The following MPST variants were observed in gnomAD, a reference collection of about 807,000 sequenced individuals.
MPST encodes the protein mercaptopyruvate sulfurtransferase, also known as 3-mercaptopyruvate sulfurtransferase.
MPST carries 27 observed loss-of-function variants against 28.5 expected under a neutral mutation model. That is an observed-to-expected ratio of 0.95 (90% CI 0.70 to 1.31). The LOEUF is 1.31. Among genes scored for constraint, MPST ranks in the 50% most tolerant of loss-of-function variants. The pLI, the probability that MPST is intolerant of heterozygous loss-of-function variation, is 0.00. For missense variants in MPST, 492 were observed against 471.1 expected, an observed-to-expected ratio of 1.04 and a Z score of -0.41; for synonymous variants, 204 against 209.3, an observed-to-expected ratio of 0.97 and a Z score of 0.22.
intron 2 of MPST, chr22:37,027,304 A>C (rs1923597577): frequency 6.6e-6 from 1 of 152,248 alleles, no homozygotes; most frequent in Non-Finnish European, 1.5e-5. Context: ...TCCTGCATGA[A>C]AATGGGAATG....
At chr22:37,023,852 C>A (rs755266766) in intron 1 of MPST, 3 of 1,403,752 alleles carry the variant, frequency 2.1e-6, no homozygotes, top group East Asian at 3.6e-5. Context: ...GGAGACTTTG[C>A]CCCTGTTTGT....
chr22:37,029,516 G>A lies in MPST; in HGVS notation c.*2G>A. ...GAGGGCCGGGGGAAGACCCACTGAAGCTGGGCAGGACACAGGCGAGCTCAG... is the reference window on the plus strand; with the variant it reads ...GAGGGCCGGGGGAAGACCCACTGAAACTGGGCAGGACACAGGCGAGCTCAG... On this transcript the variant is annotated 3_prime_UTR_variant, in exon 3 of 3. Transcript: ENST00000429360. 1 of 1,599,468 alleles carries A rather than the reference G, an allele frequency of 6.3e-7. No individual in the cohort carries two copies. The highest frequency in any genetic ancestry group is 1.3e-5 in the African/African-American group (1 of 74,728).
intron 1 of MPST, among the ~76,000 whole-genome samples, chr22:37,021,246 A>T (rs1452018423): frequency 6.6e-6 from 1 of 151,988 alleles, no homozygotes. Flanking sequence ...TCTGAATCAC[A>T]CAGGCACCTG....
chr22:37,021,661 T>G (rs1923083987), intron 1 of MPST, among the ~76,000 whole-genome samples: 1 of 152,004 alleles, frequency 6.6e-6, no homozygotes, highest in Non-Finnish European at 1.5e-5. Context: ...TTAGTAGAGA[T>G]GAGGTTTCAC....
rs549877335 is a variant in MPST, at chr22:37,019,830, G to C, written c.-7G>C. On this transcript the variant is annotated 5_prime_UTR_variant, in exon 1 of 3. Transcript: ENST00000429360. The stretch of plus-strand genomic sequence containing the variant: ...GCGCGGGGAGGGGGCGCCGCGCCGC[G>C]GGGGCCATGGCGGAGCCAGGAAGCC... 347 of 1,205,110 alleles carry C rather than the reference G, an allele frequency of 2.9e-4. 2 individuals are homozygous for C. In the African/African-American group the frequency reaches 5.1e-3, roughly 18 times the overall value. 74.7% of individuals were successfully genotyped at this position (1,205,110 alleles called of 1,614,324 possible). A position where few individuals can be genotyped will look rare whatever the true frequency, so the allele number is the denominator to read the frequency against.
At chr22:37,022,667 A>T (rs1243742143) in intron 1 of MPST, among the ~76,000 whole-genome samples, 1 of 152,190 alleles carries the variant, frequency 6.6e-6, no homozygotes, top group East Asian at 1.9e-4. Context: ...GGCCTCATTC[A>T]TAAAGCAGGC....
Position 37,024,185 on chromosome 22 carries a change from C to T in MPST, c.37-7C>T. 7.3e-7 allele frequency: 1 copy of T among 1,373,796 alleles called. No homozygotes were observed. Among genetic ancestry groups the T allele is most frequent in the Non-Finnish European group, 9.3e-7 (1 of 1,071,268 alleles). 85.1% of individuals were successfully genotyped at this position (1,373,796 alleles called of 1,614,324 possible). ...GCTTCCCTTCTGACATCCTCCCTGT[C>T]GCCCAGGCCCGCAGCCCGAGTGTCG... On this transcript the variant is annotated splice_polypyrimidine_tract_variant and splice_region_variant and intron_variant, in intron 1 of 2. Coordinates refer to ENST00000429360, the MANE Select transcript of MPST (RefSeq NM_021126.8).
At position 37,024,623 on chromosome 22, in the gene MPST, G is replaced by C. The variant is rs765142134; in HGVS notation, c.468G>C (p.Leu156=). The change falls in exon 2 of 3, where the codon CTG becomes CTC. Residue 156 remains leucine, a synonymous_variant. Transcript: ENST00000429360. ...TTGATGGCGGCCTCCGCCACTGGCTGCGCCAGAACCTCCCGCTCAGCTCCG... is the reference window on the plus strand; with the variant it reads ...TTGATGGCGGCCTCCGCCACTGGCTCCGCCAGAACCTCCCGCTCAGCTCCG... ...SLLDGGLRHW[L]RQNLPLSSGK... 6.3e-7 allele frequency: 1 copy of C among 1,594,724 alleles called. No homozygotes were observed. The highest frequency in any genetic ancestry group is 8.5e-7 in the Non-Finnish European group (1 of 1,176,498).
chr22:37,024,116 C>T (rs1345492990), intron 1 of MPST, 76 bp from the exon 2 acceptor site: 3 of 1,329,264 alleles, frequency 2.3e-6, no homozygotes, highest in Non-Finnish European at 1.9e-6. Flanking sequence ...CGGCCCTCGC[C>T]CATGCTCCAG....
chr22:37,024,791 C>G lies in MPST; in HGVS notation c.636C>G (p.Thr212=). 1.2e-6 allele frequency: 2 copies of G among 1,602,608 alleles called. No individual in the cohort carries two copies. Among genetic ancestry groups the G allele is most frequent in the East Asian group, 2.2e-5 (1 of 44,822 alleles). Residue 212 remains threonine (T), a synonymous_variant, in exon 2 of 3, where the codon ACC becomes ACG. Transcript: ENST00000429360. The stretch of plus-strand genomic sequence containing the variant: ...GAGCCACTGGCAGGTTCCGCGGCAC[C>G]GAGCCCGAGCCCCGAGACGGTAACG... The part of the protein sequence containing the change: ...DSRATGRFRG[T]EPEPRDGIEP...
rs1923784751 is a variant in MPST at position 37,029,815 on chromosome 22, A to G, written c.*301A>G. The G allele has an allele frequency of 2.3e-6, 1 of 435,860 alleles. No homozygotes were observed. The highest frequency in any genetic ancestry group is 4.2e-6 in the Non-Finnish European group (1 of 240,140). 27.0% of individuals were successfully genotyped at this position (435,860 alleles called of 1,614,324 possible). On this transcript the variant is annotated 3_prime_UTR_variant, in exon 3 of 3. Coordinates refer to ENST00000429360, the MANE Select transcript of MPST (RefSeq NM_021126.8). ...AGGAAATAAAATAACCAAGTGCTAAATCTTGTAGCTCTGGGGCTGCCTCGG... is the reference window on the plus strand; with the variant it reads ...AGGAAATAAAATAACCAAGTGCTAAGTCTTGTAGCTCTGGGGCTGCCTCGG...
chr22:37,024,772 C>T lies in MPST; in HGVS notation c.617C>T (p.Thr206Ile). The change falls in exon 2 of 3, where the codon ACT (threonine) becomes ATT (isoleucine). Residue 206 changes from threonine to isoleucine, a missense_variant. Physicochemically the swap from Thr to Ile is moderately conservative, Grantham distance 89. Transcript: ENST00000429360. ...TTCCAGGTGGTGGACTCCCGAGCCACTGGCAGGTTCCGCGGCACCGAGCCC... is the reference window on the plus strand; with the variant it reads ...TTCCAGGTGGTGGACTCCCGAGCCATTGGCAGGTTCCGCGGCACCGAGCCC... ...RRFQVVDSRA[T>I]GRFRGTEPEP... The T allele has an allele frequency of 3.1e-6, 5 of 1,602,830 alleles. No individual in the cohort carries two copies. Among genetic ancestry groups the T allele is most frequent in the Non-Finnish European group, 4.2e-6 (5 of 1,179,708 alleles).
intron 1 of MPST, among the ~76,000 whole-genome samples, chr22:37,021,081 G>A (rs1333464354): frequency 1.3e-5 from 2 of 152,176 alleles, no homozygotes; most frequent in Non-Finnish European, 2.9e-5. Context: ...TCCAAGAGGA[G>A]CTCCCAAGCT....
At position 37,024,484 on chromosome 22, in the gene MPST, G is replaced by C. The variant is rs776001621; in HGVS notation, c.329G>C (p.Gly110Ala). 1.2e-5 allele frequency: 19 copies of C among 1,558,600 alleles called. No individual in the cohort carries two copies. In the South Asian group the frequency reaches 2.2e-4, roughly 18 times the overall value. The change falls in exon 2 of 3, where the codon GGC becomes GCC. Residue 110 changes from glycine to alanine, a missense_variant. By Grantham distance (60) the Gly-to-Ala change is moderately conservative. Transcript: ENST00000429360. ...EHFAEYAGRL[G>A]VGAATHVVIY... ...TTCGCGGAGTACGCAGGCCGCCTGGGCGTGGGCGCGGCCACCCACGTCGTG... is the reference window on the plus strand; with the variant it reads ...TTCGCGGAGTACGCAGGCCGCCTGGCCGTGGGCGCGGCCACCCACGTCGTG...
chr22:37,026,086 T>A (rs1226886125), intron 2 of MPST: 1 of 152,154 alleles, frequency 6.6e-6, no homozygotes, highest in Non-Finnish European at 1.5e-5. Context: ...CAGGTGTCAG[T>A]TTCATGTGGT....
Position 37,029,615 on chromosome 22 carries a change from C to T in MPST, c.*101C>T. 1 of 1,248,618 alleles carries T rather than the reference C, an allele frequency of 8.0e-7. No homozygotes were observed. The highest frequency in any genetic ancestry group is 1.1e-6 in the Non-Finnish European group (1 of 912,160). The allele number at this position is 1,248,618 out of a possible 1,614,324, so 77.3% of individuals were successfully genotyped here. ...TTCACCAAGAGAGTGTTTCTTCACT[C>T]AACTCAGGTGGCATTTGGGGTGACA... On this transcript the variant is annotated 3_prime_UTR_variant, in exon 3 of 3. Coordinates refer to ENST00000429360, the MANE Select transcript of MPST (RefSeq NM_021126.8).
intron 1 of MPST, chr22:37,023,725 G>C (rs914502944): frequency 9.0e-7 from 1 of 1,114,752 alleles, no homozygotes; most frequent in Non-Finnish European, 1.1e-6. Context: ...CAAGGACTCA[G>C]TAAATTCCAG....
Position 37,019,754 on chromosome 22 carries a change from C to A in MPST, c.-83C>A. On this transcript the variant is annotated 5_prime_UTR_variant, in exon 1 of 3. Transcript: ENST00000429360. ...GCGGCGGTGGGCTGTGCCGGAGTCT[C>A]CTCCCTTTGGTCCGCTGCAGGTTGG... 1 of 594,932 alleles carries A rather than the reference C, an allele frequency of 1.7e-6. No individual in the cohort carries two copies. The highest frequency in any genetic ancestry group is 8.5e-5 in the South Asian group (1 of 11,822). 36.9% of individuals were successfully genotyped at this position (594,932 alleles called of 1,614,324 possible).
At position 37,024,200 on chromosome 22, in the gene MPST, C is replaced by T; in HGVS notation, c.45C>T (p.Ser15=). 2 of 1,379,856 alleles carry T rather than the reference C, an allele frequency of 1.4e-6. No individual in the cohort carries two copies. Among genetic ancestry groups the T allele is most frequent in the South Asian group, 1.6e-5 (1 of 61,004 alleles). The allele number at this position is 1,379,856 out of a possible 1,614,324, so 85.5% of individuals were successfully genotyped here. The change falls in exon 2 of 3, where the codon AGC becomes AGT. Residue 15 remains serine, a synonymous_variant. Transcript: ENST00000429360. ...GSRESETRAR[S]PSVAAMASPQ... is the part of the protein sequence containing the mutation. ...TCCTCCCTGTCGCCCAGGCCCGCAG[C>T]CCGAGTGTCGCCGCCATGGCTTCGC...
Sources: allele counts gnomAD v4.1 joint callset (sites outside exome capture counted in the v4.1 genomes callset), GRCh38; gene constraint gnomAD v4.1.1; transcripts MANE v1.5; gene names NCBI Gene and HGNC (gene_info 2026-07-23, HGNC 2026-07-21).